CDK19: variants seen among roughly 807,000 people sequenced by gnomAD.
CDK19 encodes the protein cyclin dependent kinase 19.
A neutral mutation model predicts 68.3 loss-of-function variants in CDK19; 20 were observed. The ratio of observed to expected loss-of-function variants is 0.29; its 90% CI spans 0.21 to 0.43. CDK19 has a LOEUF of 0.43. CDK19 is among the 20% of genes least tolerant of loss of function. CDK19 has a pLI of 1.00. For synonymous variants in CDK19, 221 were observed against 222.8 expected (o/e 0.99, Z 0.07); for missense variants, 339 against 623.5 (o/e 0.54, Z 4.86).
chr6:110,814,158 A>C, intron 1 of CDK19: 1 of 182,602 alleles, frequency 5.5e-6, no homozygotes, highest in Non-Finnish European at 1.2e-5. Context: ...CAGCTCTGTC[A>C]CTTCGTATTC....
At chr6:110,767,157 GA>G (rs57344573) in intron 1 of CDK19, among the ~76,000 whole-genome samples, 23,407 of 144,650 alleles carry the variant, frequency 0.16, 2,024 homozygotes, top group East Asian at 0.32. Context: ...AAATAAATAG[GA>G]AAAAAAAAAA....
intron 2 of CDK19, among the ~76,000 whole-genome samples, chr6:110,677,335 G>A (rs911573541): frequency 7.0e-6 from 1 of 142,692 alleles, no homozygotes; most frequent in Non-Finnish European, 1.5e-5. Flanking sequence ...AGGCCAAGGC[G>A]GGTGGATCAC....
At chr6:110,657,220 C>T (rs1448269596) in intron 4 of CDK19, among the ~76,000 whole-genome samples, 1 of 152,160 alleles carries the variant, frequency 6.6e-6, no homozygotes, top group African/African-American at 2.4e-5. Context: ...CACTCCAAGC[C>T]AGAGTTGTGA....
chr6:110,641,798 T>C (rs1780206467), intron 4 of CDK19, among the ~76,000 whole-genome samples: 1 of 152,122 alleles, frequency 6.6e-6, no homozygotes. Context: ...AAGATGACTC[T>C]GGATGACTTT....
chr6:110,619,305 T>C (rs922530721), intron 12 of CDK19, among the ~76,000 whole-genome samples: 1 of 152,136 alleles, frequency 6.6e-6, no homozygotes. Context: ...TTGACTACAA[T>C]TGGGTGACAA....
chr6:110,808,065 AAC>A (rs1782806080), intron 1 of CDK19, among the ~76,000 whole-genome samples: 1 of 152,218 alleles, frequency 6.6e-6, no homozygotes, highest in African/African-American at 2.4e-5. Flanking sequence ...AAAAAGACAT[AAC>A]AGTTTTCCTA....
intron 2 of CDK19, among the ~76,000 whole-genome samples, chr6:110,739,796 A>AATT (rs57995761): frequency 0.16 from 23,245 of 147,270 alleles, 1,998 homozygotes; most frequent in East Asian, 0.31. Flanking sequence ...ATGCCCAGCT[A>AATT]ATTATTATTA....
intron 4 of CDK19, among the ~76,000 whole-genome samples, chr6:110,648,291 T>C (rs1273876452): frequency 2.6e-5 from 4 of 152,178 alleles, no homozygotes; most frequent in African/African-American, 9.6e-5. Context: ...ATTATCTACA[T>C]AGAAAACCAA....
In CDK19 at chr6:110,815,319, A is replaced by G; in HGVS notation, c.-183T>C. On this transcript the variant is annotated 5_prime_UTR_variant, in exon 1 of 13. Transcript: ENST00000368911. ...CAAGGGACTCCTCGGCGGCCACAGC[A>G]GCCACCTCCTCCACCTCTTCCTCCT... 1 of 546,028 alleles carries G rather than the reference A, an allele frequency of 1.8e-6. No homozygotes were observed. Among genetic ancestry groups the G allele is most frequent in the Non-Finnish European group, 2.8e-6 (1 of 351,864 alleles). 33.8% of individuals were successfully genotyped at this position (546,028 alleles called of 1,614,324 possible). A position where few individuals can be genotyped will look rare whatever the true frequency, so the allele number is the denominator to read the frequency against.
At chr6:110,728,054 G>A (rs924296407) in intron 2 of CDK19, among the ~76,000 whole-genome samples, 1 of 151,972 alleles carries the variant, frequency 6.6e-6, no homozygotes, top group Non-Finnish European at 1.5e-5. Flanking sequence ...ACTTTGGGAG[G>A]CCAAGGTGGG....
intron 4 of CDK19, chr6:110,646,210 C>A: frequency 7.1e-7 from 1 of 1,405,850 alleles, no homozygotes; most frequent in South Asian, 1.4e-5. Context: ...AGCAACTCGT[C>A]GGGGTCCGAC....
chr6:110,679,917 C>T (rs546148150), intron 2 of CDK19, among the ~76,000 whole-genome samples: 16 of 152,294 alleles, frequency 1.1e-4, no homozygotes, highest in African/African-American at 3.8e-4. Context: ...GTACCTAGCA[C>T]ATAATAAGCA....
At position 110,719,005 on chromosome 6, in the gene CDK19, C is replaced by A. The variant is rs1016756468; in HGVS notation, c.204+27121G>T. 2.6e-5 allele frequency among the ~76,000 whole-genome samples: 4 copies of A among 151,828 alleles called. No individual in the cohort carries two copies. In the South Asian group the frequency reaches 8.3e-4, roughly 32 times the overall value. ...TACTCTGGCAGAAGCTGGGAGGACT[C>A]GAATATTTAAGTCAAATATGTATGT... On this transcript the variant is annotated intron_variant, in intron 2 of 12. Coordinates refer to ENST00000368911, the MANE Select transcript of CDK19 (RefSeq NM_015076.5).
chr6:110,709,397 C>T (rs894836942), intron 2 of CDK19, among the ~76,000 whole-genome samples: 2 of 151,640 alleles, frequency 1.3e-5, no homozygotes, highest in African/African-American at 2.4e-5. Flanking sequence ...AGGAGAAATA[C>T]CTAATGTAGA....
At chr6:110,666,424 C>CA (rs57791161) in intron 4 of CDK19, among the ~76,000 whole-genome samples, 5,063 of 47,758 alleles carry the variant, frequency 0.11, 841 homozygotes, top group Non-Finnish European at 0.14. Context: ...GACTCTGTCT[C>CA]AAAAAAAAAA....
intron 4 of CDK19, chr6:110,646,280 C>A: frequency 6.6e-7 from 1 of 1,507,454 alleles, no homozygotes; most frequent in Non-Finnish European, 8.8e-7. Flanking sequence ...GCTGCCCCGC[C>A]AACATGTGCA....
rs118054573 is a variant in CDK19, at chr6:110,637,671, T to C, written c.514+978A>G. Among the ~76,000 whole-genome samples, 13 of 152,336 alleles carry C rather than the reference T, an allele frequency of 8.5e-5. No homozygotes were observed. In the East Asian group the frequency reaches 2.1e-3, roughly 25 times the overall value. ...AAAAGCATTCAACTTTCAATAAATA[T>C]AATTTCTAGTAAAAGAAACCAGAAT... On this transcript the variant is annotated intron_variant, in intron 5 of 12. Coordinates refer to ENST00000368911, the MANE Select transcript of CDK19 (RefSeq NM_015076.5).
Position 110,815,191 on chromosome 6 carries a change from T to G in CDK19, c.-55A>C. On this transcript the variant is annotated 5_prime_UTR_variant, in exon 1 of 13. Transcript: ENST00000368911. ...GCGGGGGCCGCCGCCGCTCAGTCCCTCCTCCTCCTCCCCCCGCGACCGCCG... is the reference window on the plus strand; with the variant it reads ...GCGGGGGCCGCCGCCGCTCAGTCCCGCCTCCTCCTCCCCCCGCGACCGCCG... 1 of 1,413,694 alleles carries G rather than the reference T, an allele frequency of 7.1e-7. No individual in the cohort carries two copies. The highest frequency in any genetic ancestry group is 9.4e-7 in the Non-Finnish European group (1 of 1,068,436). The allele number at this position is 1,413,694 out of a possible 1,614,324, so 87.6% of individuals were successfully genotyped here.
At chr6:110,809,460 A>T (rs926113354) in intron 1 of CDK19, among the ~76,000 whole-genome samples, 1 of 152,192 alleles carries the variant, frequency 6.6e-6, no homozygotes, top group African/African-American at 2.4e-5. Context: ...TCAAGGCTAC[A>T]GTCAGCTACG....
Sources: allele counts gnomAD v4.1 joint callset (sites outside exome capture counted in the v4.1 genomes callset), GRCh38; gene constraint gnomAD v4.1.1; transcripts MANE v1.5; gene names NCBI Gene and HGNC (gene_info 2026-07-23, HGNC 2026-07-21).